Variants in DIAPH2 observed in about 807,000 individuals in gnomAD.
The protein encoded by DIAPH2 is diaphanous related formin 2.
Under a neutral mutation model 92.7 loss-of-function variants are expected in DIAPH2, and 35 were observed. The observed-to-expected ratio is 0.38, with a 90% CI of 0.29 to 0.50. The LOEUF is 0.50. Among genes scored for constraint, DIAPH2 ranks in the 20% least tolerant of loss-of-function variants. DIAPH2 has a pLI of 0.94. For synonymous variants in DIAPH2, 301 were observed against 280.4 expected, an observed-to-expected ratio of 1.07 and a Z score of -0.73; for missense variants, 701 against 819.5, an observed-to-expected ratio of 0.86 and a Z score of 1.77.
At chrX:97,450,493 T>C (rs930628854) in intron 26 of DIAPH2, among the ~76,000 whole-genome samples, 5 of 111,697 alleles carry the variant, frequency 4.5e-5, no homozygotes, top group Non-Finnish European at 7.5e-5. Flanking sequence ...AGCTATATTA[T>C]GTGTACACGT....
At chrX:97,029,940 G>T (rs1348000429) in intron 17 of DIAPH2, among the ~76,000 whole-genome samples, 1 of 110,590 alleles carries the variant, frequency 9.0e-6, no homozygotes, top group African/African-American at 3.3e-5. Flanking sequence ...TTCTTATGAT[G>T]ATCAGCTTTT....
intron 4 of DIAPH2, among the ~76,000 whole-genome samples, chrX:96,856,388 T>C (rs1439111488): frequency 9.1e-6 from 1 of 110,256 alleles, no homozygotes; most frequent in Non-Finnish European, 1.9e-5. Flanking sequence ...GTTAAATAAA[T>C]TGTATGCCTG....
At chrX:96,774,024 A>G (rs2064358748) in intron 4 of DIAPH2, among the ~76,000 whole-genome samples, 1 of 112,237 alleles carries the variant, frequency 8.9e-6, no homozygotes, top group Non-Finnish European at 1.9e-5. Flanking sequence ...TTAACACTGA[A>G]TAATAGTGAA....
At chrX:96,847,781 C>G (rs1252936802) in intron 4 of DIAPH2, among the ~76,000 whole-genome samples, 2 of 111,162 alleles carry the variant, frequency 1.8e-5, no homozygotes, top group Admixed American at 1.9e-4. Flanking sequence ...CACCCTCCTC[C>G]TACCTGCCAA....
At chrX:96,938,113 T>A (rs1312711103) in intron 11 of DIAPH2, among the ~76,000 whole-genome samples, 1 of 111,001 alleles carries the variant, frequency 9.0e-6, no homozygotes, top group Non-Finnish European at 1.9e-5. Flanking sequence ...GGAAGTAATA[T>A]TCCCCTCCTT....
At chrX:96,693,287 G>T (rs2063807508) in intron 1 of DIAPH2, among the ~76,000 whole-genome samples, 1 of 112,230 alleles carries the variant, frequency 8.9e-6, no homozygotes, top group Admixed American at 9.5e-5. Context: ...CAGTTGGGTA[G>T]TTTTCCTCAA....
chrX:96,727,788 C>T (rs752381013), intron 1 of DIAPH2, among the ~76,000 whole-genome samples: 55 of 111,425 alleles, frequency 4.9e-4, no homozygotes, highest in African/African-American at 1.7e-3. Flanking sequence ...AGAAGACAAC[C>T]TGTAATCCCA....
intron 4 of DIAPH2, among the ~76,000 whole-genome samples, chrX:96,813,409 A>T (rs866026948): frequency 5.5e-5 from 6 of 108,622 alleles, no homozygotes; most frequent in Non-Finnish European, 1.1e-4. Context: ...TTTTAAGCCT[A>T]TGTGTGTCTC....
intron 24 of DIAPH2, among the ~76,000 whole-genome samples, chrX:97,374,872 T>G (rs1213781929): frequency 2.7e-5 from 3 of 112,016 alleles, no homozygotes; most frequent in Non-Finnish European, 5.6e-5. Context: ...TCTCTAATGA[T>G]CAGGTTGTTC....
chrX:97,023,495 C>T (rs999784878), intron 17 of DIAPH2, among the ~76,000 whole-genome samples: 4 of 111,477 alleles, frequency 3.6e-5, no homozygotes, highest in African/African-American at 6.5e-5. Flanking sequence ...ATGAGAAAAT[C>T]GAAGCGTAAA....
chrX:97,047,542 C>CTTTTTTTT (rs5903064), intron 17 of DIAPH2, among the ~76,000 whole-genome samples: 3 of 30,101 alleles, frequency 1.0e-4, no homozygotes, highest in African/African-American at 1.6e-4. Flanking sequence ...ATAAAATAGG[C>CTTTTTTTT]TTTTTTTTTT....
intron 19 of DIAPH2, among the ~76,000 whole-genome samples, chrX:97,093,711 GT>G (rs1184949482): frequency 1.2e-4 from 13 of 111,953 alleles, no homozygotes; most frequent in Admixed American, 1.0e-3. Context: ...CATAAATTAT[GT>G]AGAAAGCAAT....
intron 25 of DIAPH2, among the ~76,000 whole-genome samples, chrX:97,405,815 A>G (rs2069804287): frequency 8.9e-6 from 1 of 111,770 alleles, no homozygotes; most frequent in South Asian, 3.7e-4. Context: ...TAAGAAATAT[A>G]TAATTCCCAA....
intron 17 of DIAPH2, among the ~76,000 whole-genome samples, chrX:96,998,933 A>G (rs1367571878): frequency 8.9e-6 from 1 of 112,414 alleles, no homozygotes; most frequent in Non-Finnish European, 1.9e-5. Context: ...TACCTGCTGC[A>G]TATTACAGAT....
At chrX:96,824,714 A>G (rs1401778450) in intron 4 of DIAPH2, among the ~76,000 whole-genome samples, 1 of 111,372 alleles carries the variant, frequency 9.0e-6, no homozygotes, top group Non-Finnish European at 1.9e-5. Context: ...AATCAGGTCT[A>G]TGAACCATAT....
intron 24 of DIAPH2, among the ~76,000 whole-genome samples, chrX:97,376,132 C>T (rs1474198217): frequency 1.8e-5 from 2 of 110,543 alleles, no homozygotes; most frequent in Non-Finnish European, 3.8e-5. Flanking sequence ...AAATTTACTA[C>T]CTTTCCCCAG....
At position 97,429,549 on chromosome X, in the gene DIAPH2, T is replaced by G. The variant is rs2070105146; in HGVS notation, c.3146-101T>G. On this transcript the variant is annotated intron_variant, in intron 25 of 26. Transcript: ENST00000324765. ...GTTAAAACAGATATATGTCTTTAATTTAGGGGTATTATGTAAATCTGACAG... is the reference window on the plus strand; with the variant it reads ...GTTAAAACAGATATATGTCTTTAATGTAGGGGTATTATGTAAATCTGACAG... The G allele has an allele frequency of 6.7e-6, 7 of 1,041,719 alleles. No homozygotes were observed. In the South Asian group the frequency reaches 1.6e-4, roughly 23 times the overall value. 85.8% of individuals were successfully genotyped at this position (1,041,719 alleles called of 1,213,427 possible). A position where few individuals can be genotyped will look rare whatever the true frequency, so the allele number is the denominator to read the frequency against.
intron 23 of DIAPH2, among the ~76,000 whole-genome samples, chrX:97,316,512 C>T (rs1468582808): frequency 7.5e-5 from 8 of 106,421 alleles, no homozygotes; most frequent in East Asian, 5.9e-4. Context: ...AAAAACTAGC[C>T]GGGCCTGGTG....
intron 26 of DIAPH2, among the ~76,000 whole-genome samples, chrX:97,453,418 A>T (rs1287350783): frequency 1.8e-5 from 2 of 110,934 alleles, no homozygotes; most frequent in Non-Finnish European, 3.8e-5. Context: ...AAATGACATG[A>T]GGATTTTTTA....
Sources: allele counts gnomAD v4.1 joint callset (sites outside exome capture counted in the v4.1 genomes callset), GRCh38; gene constraint gnomAD v4.1.1; transcripts MANE v1.5; gene names NCBI Gene and HGNC (gene_info 2026-07-23, HGNC 2026-07-21).